The following CUX2 variants were observed in gnomAD, a reference collection of about 807,000 sequenced individuals.
CUX2 encodes cut like homeobox 2.
In CUX2, 40 loss-of-function variants were observed where a neutral mutation model predicts 144.8. The observed-to-expected ratio is 0.28, with a 90% CI of 0.21 to 0.36. The LOEUF (loss-of-function observed/expected upper bound fraction) is 0.36, where lower values mean the gene tolerates loss of function less well. CUX2 is among the 10% of genes least tolerant of loss of function. The probability of loss-of-function intolerance (pLI) is 1.00; values close to 1 mark genes in which losing one functional copy is unlikely to be tolerated. For missense variants in CUX2, 1,615 were observed against 1,994.0 expected, an observed-to-expected ratio of 0.81 and a Z score of 3.62; for synonymous variants, 827 against 875.6, an observed-to-expected ratio of 0.94 and a Z score of 0.98.
chr12:111,204,488 G>A (rs1880794162), intron 1 of CUX2, among the ~76,000 whole-genome samples: 1 of 152,328 alleles, frequency 6.6e-6, no homozygotes, highest in Admixed American at 6.5e-5. Flanking sequence ...TCATGCTCCT[G>A]GTCTTCAGGC....
intron 3 of CUX2, among the ~76,000 whole-genome samples, chr12:111,231,507 C>T (rs987058538): frequency 2.6e-5 from 4 of 152,144 alleles, no homozygotes; most frequent in Admixed American, 6.6e-5. Context: ...CAGTAAACTA[C>T]CACAGACAAT....
At chr12:111,298,291 C>T (rs1886115519) in intron 8 of CUX2, among the ~76,000 whole-genome samples, 1 of 152,190 alleles carries the variant, frequency 6.6e-6, no homozygotes, top group African/African-American at 2.4e-5. Flanking sequence ...AGGACAAAGG[C>T]TTGGAGGTGG....
intron 1 of CUX2, among the ~76,000 whole-genome samples, chr12:111,198,320 C>G (rs1592829815): frequency 6.6e-6 from 1 of 151,934 alleles, no homozygotes; most frequent in Non-Finnish European, 1.5e-5. Flanking sequence ...TACTGTAATA[C>G]AAAAATTAGC....
At chr12:111,062,835 A>G (rs1870840217) in intron 1 of CUX2, among the ~76,000 whole-genome samples, 1 of 152,154 alleles carries the variant, frequency 6.6e-6, no homozygotes, top group Admixed American at 6.5e-5. Context: ...GGTAGGAGCG[A>G]GATGTGCGAA....
At chr12:111,212,144 T>G (rs1881269852) in intron 1 of CUX2, among the ~76,000 whole-genome samples, 1 of 152,194 alleles carries the variant, frequency 6.6e-6, no homozygotes, top group South Asian at 2.1e-4. Flanking sequence ...CTGCAAACAC[T>G]GATCTCTCCT....
chr12:111,116,224 C>T (rs940625031), intron 1 of CUX2, among the ~76,000 whole-genome samples: 37 of 152,216 alleles, frequency 2.4e-4, no homozygotes, highest in African/African-American at 8.2e-4. Context: ...TCTGGGGGAA[C>T]GAAAGATGTT....
intron 4 of CUX2, among the ~76,000 whole-genome samples, chr12:111,270,866 G>C (rs1264663544): frequency 6.6e-6 from 1 of 152,138 alleles, no homozygotes; most frequent in Non-Finnish European, 1.5e-5. Context: ...AGGCTATAGA[G>C]GTTGACACAC....
intron 16 of CUX2, among the ~76,000 whole-genome samples, chr12:111,314,916 G>A (rs1207080103): frequency 6.6e-6 from 1 of 151,768 alleles, no homozygotes; most frequent in Non-Finnish European, 1.5e-5. Context: ...AGGCTAGGGA[G>A]GGAAGACATG....
chr12:111,135,287 G>A (rs1875799593), intron 1 of CUX2, among the ~76,000 whole-genome samples: 1 of 152,168 alleles, frequency 6.6e-6, no homozygotes, highest in African/African-American at 2.4e-5. Flanking sequence ...GAGTTTCACT[G>A]AGACAGTGAC....
At chr12:111,048,839 G>A (rs968644824) in intron 1 of CUX2, among the ~76,000 whole-genome samples, 1 of 152,132 alleles carries the variant, frequency 6.6e-6, no homozygotes, top group African/African-American at 2.4e-5. Context: ...GACTGCAGGG[G>A]ATGTGGGCTG....
intron 1 of CUX2, among the ~76,000 whole-genome samples, chr12:111,140,980 T>C (rs1057226243): frequency 2.6e-5 from 4 of 152,032 alleles, no homozygotes; most frequent in African/African-American, 9.7e-5. Context: ...GTTCTGAAGA[T>C]TGAGAGGAGA....
intron 3 of CUX2, among the ~76,000 whole-genome samples, chr12:111,220,120 G>A (rs989342623): frequency 1.4e-4 from 21 of 150,946 alleles, no homozygotes; most frequent in African/African-American, 5.1e-4. Flanking sequence ...TTCCAGCCTG[G>A]ACGACAGAGC....
chr12:111,329,908 A>G (rs1188070147), intron 18 of CUX2, among the ~76,000 whole-genome samples: 1 of 152,156 alleles, frequency 6.6e-6, no homozygotes, highest in East Asian at 1.9e-4. Context: ...AAGTGCAGGG[A>G]TTACAGGCGT....
intron 9 of CUX2, among the ~76,000 whole-genome samples, chr12:111,300,605 T>C (rs1886243322): frequency 6.6e-6 from 1 of 152,176 alleles, no homozygotes; most frequent in South Asian, 2.1e-4. Flanking sequence ...AAACTTTCTA[T>C]AAAGAGTCAG....
chr12:111,285,372 C>A (rs1403295064), intron 4 of CUX2, among the ~76,000 whole-genome samples: 1 of 152,170 alleles, frequency 6.6e-6, no homozygotes. Flanking sequence ...TGACCCTCTG[C>A]CAGGGGAAGG....
chr12:111,341,136 A>G (rs761593638), intron 20 of CUX2, among the ~76,000 whole-genome samples: 6 of 152,144 alleles, frequency 3.9e-5, no homozygotes, highest in Non-Finnish European at 7.4e-5. Context: ...CAAACACTCT[A>G]CAAAACGATG....
chr12:111,079,006 G>A (rs2136040145), intron 1 of CUX2, among the ~76,000 whole-genome samples: 1 of 152,328 alleles, frequency 6.6e-6, no homozygotes, highest in East Asian at 1.9e-4. Context: ...TGGGGGCTGA[G>A]GAACTACTTG....
At chr12:111,185,503 G>A (rs968289504) in intron 1 of CUX2, among the ~76,000 whole-genome samples, 2 of 152,202 alleles carry the variant, frequency 1.3e-5, no homozygotes, top group Non-Finnish European at 2.9e-5. Flanking sequence ...GCCAGCCTGC[G>A]CTTCACCCAC....
At chr12:111,131,626 T>A (rs1266128145) in intron 1 of CUX2, among the ~76,000 whole-genome samples, 1 of 152,140 alleles carries the variant, frequency 6.6e-6, no homozygotes, top group Non-Finnish European at 1.5e-5. Flanking sequence ...GCACAGGTAT[T>A]AGGTAAATAC....
Sources: gnomAD v4.1 joint callset for allele counts (sites outside exome capture counted in the v4.1 genomes callset) on GRCh38, gnomAD v4.1.1 for gene constraint, MANE v1.5 for transcripts, NCBI Gene and HGNC (gene_info 2026-07-23, HGNC 2026-07-21) for gene names.